HMGB1: variants seen among roughly 807,000 people sequenced by gnomAD.
HMGB1 encodes high mobility group protein B1.
For synonymous variants in HMGB1, 81 were observed against 84.0 expected (o/e 0.96, Z 0.19); for missense variants, 79 against 253.5 (o/e 0.31, Z 4.67).
chr13:30,522,612 T>C (rs140821721), intron 1 of HMGB1, among the ~76,000 whole-genome samples: 39 of 152,354 alleles, frequency 2.6e-4, no homozygotes, highest in African/African-American at 9.4e-4. Context: ...GCTACTGGCA[T>C]CTGCAAGACA....
At chr13:30,596,093 G>T (rs1871597835) in intron 1 of HMGB1, among the ~76,000 whole-genome samples, 1 of 152,152 alleles carries the variant, frequency 6.6e-6, no homozygotes, top group Non-Finnish European at 1.5e-5. Flanking sequence ...TATGCCAATG[G>T]TAAGAAATAT....
At chr13:30,542,952 C>G (rs562424503) in intron 1 of HMGB1, 3 of 153,098 alleles carry the variant, frequency 2.0e-5, no homozygotes, top group African/African-American at 7.2e-5. Context: ...CCTACAATGT[C>G]AATGGACAGA....
At chr13:30,479,814 T>A (rs551384151) in intron 1 of HMGB1, among the ~76,000 whole-genome samples, 25 of 152,330 alleles carry the variant, frequency 1.6e-4, no homozygotes. Flanking sequence ...CTGTAAATGA[T>A]CAACAGATGT....
rs1011503057 is a variant in HMGB1 at position 30,564,007 on chromosome 13, C to T, written c.-15+52664G>A. ...AATAAATAATTTATTTTAATAACTTCGTGGGCATGGTGGCCAAAACATTTT... is the reference window on the plus strand; with the variant it reads ...AATAAATAATTTATTTTAATAACTTTGTGGGCATGGTGGCCAAAACATTTT... On this transcript the variant is annotated intron_variant, in intron 1 of 4. Coordinates refer to the HMGB1 transcript ENST00000405805. 2.0e-5 allele frequency among the ~76,000 whole-genome samples: 3 copies of T among 152,082 alleles called. No homozygotes were observed. In the South Asian group the frequency reaches 6.2e-4, roughly 31 times the overall value.
chr13:30,601,942 G>C (rs988786140), intron 1 of HMGB1, among the ~76,000 whole-genome samples: 6 of 152,024 alleles, frequency 3.9e-5, no homozygotes, highest in Non-Finnish European at 8.8e-5. Context: ...TTTTGCTTTT[G>C]CCCTCTTGGA....
In HMGB1 at chr13:30,487,487, T is replaced by C. The variant is rs1045915988; in HGVS notation, c.-14-23793A>G. Among the ~76,000 whole-genome samples the C allele has an allele frequency of 2.6e-5, 4 of 152,326 alleles. No individual in the cohort carries two copies. In the East Asian group the frequency reaches 7.7e-4, roughly 29 times the overall value. The stretch of plus-strand genomic sequence containing the variant: ...TTTATGCAGAGGGTTGCAGAAAAAA[T>C]AAGCACCTGAACTGAATTCTGACTT... On this transcript the variant is annotated intron_variant, in intron 1 of 4. Transcript: ENST00000405805.
At chr13:30,533,237 T>C (rs976336973) in intron 1 of HMGB1, among the ~76,000 whole-genome samples, 1 of 152,212 alleles carries the variant, frequency 6.6e-6, no homozygotes, top group Non-Finnish European at 1.5e-5. Flanking sequence ...CCTGGGGACA[T>C]TTGTGAAACC....
At chr13:30,545,464 C>T (rs1182508012) in intron 1 of HMGB1, among the ~76,000 whole-genome samples, 2 of 151,704 alleles carry the variant, frequency 1.3e-5, no homozygotes, top group South Asian at 2.1e-4. Context: ...CCAACCTGGG[C>T]CCCATGTAAT....
intron 1 of HMGB1, among the ~76,000 whole-genome samples, chr13:30,501,187 A>G (rs1887726564): frequency 6.6e-6 from 1 of 152,224 alleles, no homozygotes; most frequent in African/African-American, 2.4e-5. Flanking sequence ...GTCACCATCA[A>G]TATAAAAAGC....
intron 1 of HMGB1, among the ~76,000 whole-genome samples, chr13:30,496,300 T>A (rs961481390): frequency 6.6e-6 from 1 of 152,226 alleles, no homozygotes; most frequent in Non-Finnish European, 1.5e-5. Context: ...CCAGGCTTCA[T>A]ATCAGTAATG....
chr13:30,607,046 A>T (rs965341267), intron 1 of HMGB1, among the ~76,000 whole-genome samples: 2 of 152,236 alleles, frequency 1.3e-5, no homozygotes, highest in Non-Finnish European at 2.9e-5. Flanking sequence ...AATTTTAATC[A>T]AAGCACTGCC....
intron 1 of HMGB1, among the ~76,000 whole-genome samples, chr13:30,511,875 T>C (rs577250588): frequency 2.6e-5 from 4 of 152,324 alleles, no homozygotes; most frequent in South Asian, 4.1e-4. Flanking sequence ...CATAATCTCC[T>C]TAGCTACATC....
intron 1 of HMGB1, among the ~76,000 whole-genome samples, chr13:30,518,834 T>A (rs1593287173): frequency 7.3e-6 from 1 of 136,298 alleles, no homozygotes. Context: ...GCCTCCCAAG[T>A]AGCTGGGACC....
At chr13:30,560,378 G>T (rs1166252375) in intron 1 of HMGB1, among the ~76,000 whole-genome samples, 2 of 152,178 alleles carry the variant, frequency 1.3e-5, no homozygotes, top group Non-Finnish European at 2.9e-5. Flanking sequence ...GCCTTAGCGA[G>T]AACAATTCCA....
intron 1 of HMGB1, chr13:30,465,100 G>T: frequency 2.2e-6 from 2 of 923,924 alleles, no homozygotes; most frequent in Non-Finnish European, 2.6e-6. Flanking sequence ...CAGCTCCCCC[G>T]CCCGCCCGCC....
chr13:30,508,405 G>C (rs1332922587), intron 1 of HMGB1, among the ~76,000 whole-genome samples: 1 of 152,018 alleles, frequency 6.6e-6, no homozygotes, highest in South Asian at 2.1e-4. Flanking sequence ...CTAGCTACTC[G>C]GGAGGCTGAG....
At chr13:30,547,491 G>A (rs982225710) in intron 1 of HMGB1, among the ~76,000 whole-genome samples, 1 of 152,162 alleles carries the variant, frequency 6.6e-6, no homozygotes, top group Non-Finnish European at 1.5e-5. Context: ...CTAAACCTCA[G>A]CCAACCTTAA....
chr13:30,587,317 T>G (rs914533597), intron 1 of HMGB1, among the ~76,000 whole-genome samples: 1 of 152,236 alleles, frequency 6.6e-6, no homozygotes, highest in Non-Finnish European at 1.5e-5. Flanking sequence ...GAGGTAGTCA[T>G]CTTTCTTTCT....
chr13:30,573,993 C>T (rs1039984065), intron 1 of HMGB1, among the ~76,000 whole-genome samples: 13 of 152,040 alleles, frequency 8.6e-5, no homozygotes, highest in Admixed American at 2.0e-4. Flanking sequence ...CAGCAGTGAA[C>T]GGCAATATCA....
Sources: gnomAD v4.1 joint callset for allele counts (sites outside exome capture counted in the v4.1 genomes callset) on GRCh38, gnomAD v4.1.1 for gene constraint, MANE v1.5 for transcripts, NCBI Gene and HGNC (gene_info 2026-07-23, HGNC 2026-07-21) for gene names.